NLRP9: variants seen among roughly 807,000 people sequenced by gnomAD.
NLRP9 encodes the protein NLR family pyrin domain containing 9, also known as NACHT, LRR and PYD domains-containing protein 9.
Under a neutral mutation model 83.1 loss-of-function variants are expected in NLRP9, and 88 were observed. The ratio of observed to expected loss-of-function variants is 1.06; its 90% CI spans 0.89 to 1.26. The LOEUF (loss-of-function observed/expected upper bound fraction) is 1.26, where lower values mean the gene tolerates loss of function less well. NLRP9 is among the 50% of genes most tolerant of loss of function. NLRP9 has a pLI of 0.00. For missense variants in NLRP9, 1,308 were observed against 1,179.3 expected, an observed-to-expected ratio of 1.11 and a Z score of -1.60; for synonymous variants, 521 against 447.6, an observed-to-expected ratio of 1.16 and a Z score of -2.07.
chr19:55,710,065 T>TAA (rs1188016454), intron 8 of NLRP9, among the ~76,000 whole-genome samples: 1 of 152,174 alleles, frequency 6.6e-6, no homozygotes, highest in Admixed American at 6.6e-5. Flanking sequence ...GAGTTTATCT[T>TAA]AAATCTTCAG....
At chr19:55,724,231 A>G (rs1038012131) in intron 3 of NLRP9, 87 bp from the exon 4 acceptor site, 1 of 850,994 alleles carries the variant, frequency 1.2e-6, no homozygotes, top group African/African-American at 1.7e-5. Flanking sequence ...TCCTGCCCTG[A>G]ATGCTGGGCC....
intron 1 of NLRP9, among the ~76,000 whole-genome samples, chr19:55,734,596 C>G (rs1299475062): frequency 7.4e-6 from 1 of 134,910 alleles, no homozygotes; most frequent in Non-Finnish European, 1.5e-5. Context: ...CACATATATA[C>G]ATACACATAC....
chr19:55,738,055 G>C, intron 1 of NLRP9, 40 bp downstream of exon 1: 1 of 1,597,994 alleles, frequency 6.3e-7, no homozygotes, highest in South Asian at 1.1e-5. Flanking sequence ...TTGTTCCCAG[G>C]CTTCCCCCAT....
Position 55,711,974 on chromosome 19 carries a change from C to A in NLRP9, c.2673-4G>T. 1 of 1,611,296 alleles carries A rather than the reference C, an allele frequency of 6.2e-7. No homozygotes were observed. The highest frequency in any genetic ancestry group is 1.7e-4 in the Middle Eastern group (1 of 6,056). ...GGTGATCGGACACGTTTGCAGCCTG[C>A]AAAAGGGAAACACACCAGAGAATCC... On this transcript the variant is annotated splice_polypyrimidine_tract_variant and splice_region_variant and intron_variant, in intron 7 of 8. Coordinates refer to ENST00000332836, the MANE Select transcript of NLRP9 (RefSeq NM_176820.4).
At chr19:55,719,421 G>A (rs1216560035) in intron 4 of NLRP9, among the ~76,000 whole-genome samples, 1 of 152,198 alleles carries the variant, frequency 6.6e-6, no homozygotes, top group African/African-American at 2.4e-5. Context: ...CCAGAGTGCT[G>A]GGATGACAGG....
At chr19:55,736,659 C>A (rs1356374502) in intron 1 of NLRP9, among the ~76,000 whole-genome samples, 1 of 151,752 alleles carries the variant, frequency 6.6e-6, no homozygotes, top group Non-Finnish European at 1.5e-5. Context: ...CATGGTGATA[C>A]CCCGTCTCTA....
At position 55,732,101 on chromosome 19, in the gene NLRP9, T is replaced by C. The variant is rs1232189910; in HGVS notation, c.1730A>G (p.His577Arg). 16 of 1,611,744 alleles carry C rather than the reference T, an allele frequency of 9.9e-6. No individual in the cohort carries two copies. Among genetic ancestry groups the C allele is most frequent in the Non-Finnish European group, 1.4e-5 (16 of 1,179,340 alleles). The change falls in exon 2 of 9, where the codon CAT becomes CGT. Residue 577 changes from histidine (H) to arginine (R), a missense_variant. His to Arg is a conservative substitution (Grantham distance 29, BLOSUM62 0). Coordinates refer to ENST00000332836, the MANE Select transcript of NLRP9 (RefSeq NM_176820.4). Reference sequence around the variant, plus strand: ...CAGGCAGAATGAAGCTATTACCAAATGTTCTATGTTACCAATATAAATGAA... The same window carrying C: ...CAGGCAGAATGAAGCTATTACCAAACGTTCTATGTTACCAATATAAATGAA... ...EVFIYIGNIE[H>R]LVIASFCLKH...
At chr19:55,734,068 G>A (rs1361509167) in intron 1 of NLRP9, among the ~76,000 whole-genome samples, 2 of 151,122 alleles carry the variant, frequency 1.3e-5, no homozygotes, top group Non-Finnish European at 3.0e-5. Context: ...GGCTACAGGC[G>A]CCCGCCACTA....
intron 2 of NLRP9, among the ~76,000 whole-genome samples, chr19:55,730,597 G>A (rs548162593): frequency 6.6e-6 from 1 of 152,272 alleles, no homozygotes; most frequent in African/African-American, 2.4e-5. Flanking sequence ...ACAAGATAAT[G>A]TCCTTTGCAA....
At position 55,717,851 on chromosome 19, in the gene NLRP9, G is replaced by A. The variant is rs147205842; in HGVS notation, c.2160-953C>T. Among the ~76,000 whole-genome samples, 1,118 of 152,262 alleles carry A rather than the reference G, an allele frequency of 7.3e-3. 12 individuals are homozygous for A. Among genetic ancestry groups the A allele is most frequent in the African/African-American group, 0.023 (963 of 41,544 alleles). On this transcript the variant is annotated intron_variant, in intron 4 of 8. Coordinates refer to ENST00000332836, the MANE Select transcript of NLRP9 (RefSeq NM_176820.4). Reference sequence around the variant, plus strand: ...TGTGGTTCAGAGAGCGTCCAGGTTGGCAAACACATCCACACGCCACGCCCC... The same window carrying A: ...TGTGGTTCAGAGAGCGTCCAGGTTGACAAACACATCCACACGCCACGCCCC...
At chr19:55,724,370 C>T (rs754580292) in intron 3 of NLRP9, among the ~76,000 whole-genome samples, 3 of 152,176 alleles carry the variant, frequency 2.0e-5, no homozygotes, top group Non-Finnish European at 4.4e-5. Flanking sequence ...AGCCCCTCCA[C>T]TTCTACATAA....
At chr19:55,720,376 G>A (rs117180097) in intron 4 of NLRP9, among the ~76,000 whole-genome samples, 1 of 152,282 alleles carries the variant, frequency 6.6e-6, no homozygotes, top group Non-Finnish European at 1.5e-5. Flanking sequence ...AGGTTACAGT[G>A]CAGTGACGTG....
intron 7 of NLRP9, 85 bp from the exon 8 acceptor site, chr19:55,712,055 C>A: frequency 7.4e-7 from 1 of 1,351,008 alleles, no homozygotes; most frequent in Non-Finnish European, 1.0e-6. Flanking sequence ...AATTACACAC[C>A]TCCCGGCAGG....
At position 55,723,992 on chromosome 19, in the gene NLRP9, A is replaced by G. The variant is rs1304386393; in HGVS notation, c.2147T>C (p.Ile716Thr). The change falls in exon 4 of 9, where the codon ATA (isoleucine) becomes ACA (threonine). Residue 716 changes from isoleucine to threonine, a missense_variant. Physicochemically the swap from Ile to Thr is moderately conservative, Grantham distance 89. Coordinates refer to ENST00000332836, the MANE Select transcript of NLRP9 (RefSeq NM_176820.4). The part of the protein sequence containing the change: ...CETLKHPMCK[I>T]EELILGKCDI... ...AGCCCGGACTTACATCAGCTCTTCT[A>G]TCTTGCACATTGGATGTTTCAGCGT... 5 of 1,613,792 alleles carry G rather than the reference A, an allele frequency of 3.1e-6. No homozygotes were observed. The highest frequency in any genetic ancestry group is 1.1e-5 in the South Asian group (1 of 90,992).
chr19:55,722,989 C>A (rs774777874), intron 4 of NLRP9, among the ~76,000 whole-genome samples: 31 of 152,076 alleles, frequency 2.0e-4, no homozygotes, highest in African/African-American at 6.5e-4. Flanking sequence ...CACACTGGGG[C>A]CTGTCGGTGG....
chr19:55,715,299 C>T (rs1568594766), intron 5 of NLRP9, 74 bp from the exon 6 acceptor site: 1 of 1,308,598 alleles, frequency 7.6e-7, no homozygotes, highest in South Asian at 1.4e-5. Flanking sequence ...CACCATCTCC[C>T]AGCCCACTGA....
intron 8 of NLRP9, among the ~76,000 whole-genome samples, chr19:55,711,110 A>C (rs1469332177): frequency 6.7e-6 from 1 of 149,950 alleles, no homozygotes; most frequent in South Asian, 2.1e-4. Context: ...AAACAAAACA[A>C]AAAAAAAACC....
chr19:55,718,235 G>T lies in NLRP9; in HGVS notation c.2160-1337C>A, dbSNP rs545428328. Among the ~76,000 whole-genome samples the T allele has an allele frequency of 1.1e-4, 16 of 152,306 alleles. No individual in the cohort carries two copies. In the East Asian group the frequency reaches 2.7e-3, roughly 26 times the overall value. The stretch of plus-strand genomic sequence containing the variant: ...CGAGAAAGCCTGGGTATTGTCCAAG[G>T]TTTCCCCCACTGAGACAGCCTGAGA... On this transcript the variant is annotated intron_variant, in intron 4 of 8. Transcript: ENST00000332836.
In NLRP9 at chr19:55,718,751, C is replaced by T. The variant is rs138117627; in HGVS notation, c.2160-1853G>A. On this transcript the variant is annotated intron_variant, in intron 4 of 8. Transcript: ENST00000332836. ...AGAGACCAGCGCCAGTGCGGGTCCT[C>T]GCACGTTAAGCGTCTGTCCCCTGGG... 3.4e-3 allele frequency among the ~76,000 whole-genome samples: 512 copies of T among 152,336 alleles called. 2 individuals carry two copies. The highest frequency in any genetic ancestry group is 6.0e-3 in the Non-Finnish European group (408 of 68,026).
Sources: gnomAD v4.1 joint callset for allele counts (sites outside exome capture counted in the v4.1 genomes callset) on GRCh38, gnomAD v4.1.1 for gene constraint, MANE v1.5 for transcripts, NCBI Gene and HGNC (gene_info 2026-07-23, HGNC 2026-07-21) for gene names.